TULP3: variants seen among roughly 807,000 people sequenced by gnomAD.
TULP3 encodes tubby-related protein 3.
Under a neutral mutation model 50.7 loss-of-function variants are expected in TULP3, and 38 were observed. The ratio of observed to expected loss-of-function variants is 0.75; its 90% CI spans 0.58 to 0.98. The LOEUF (loss-of-function observed/expected upper bound fraction) is 0.98, where lower values mean the gene tolerates loss of function less well. Ranked by LOEUF, TULP3 falls within the 50% of genes least tolerant of loss-of-function variation. The pLI, the probability that TULP3 is intolerant of heterozygous loss-of-function variation, is 0.00. For missense variants in TULP3, 550 were observed against 568.0 expected, an observed-to-expected ratio of 0.97 and a Z score of 0.32; for synonymous variants, 183 against 196.6, an observed-to-expected ratio of 0.93 and a Z score of 0.58.
At position 2,939,502 on chromosome 12, in the gene TULP3, C is replaced by T; in HGVS notation, c.*58C>T. ...CAGAGCTTTCAGGAGCAGACAGTGG[C>T]CTCCCCTTCCCCTCCCTGCCCCAGG... is the stretch of plus-strand genomic sequence containing the variant. On this transcript the variant is annotated 3_prime_UTR_variant, in exon 11 of 11. Coordinates refer to ENST00000448120, the MANE Select transcript of TULP3 (RefSeq NM_003324.5). The surrounding 1 kb of genome is among the most constrained non-coding windows in gnomAD (Gnocchi z 4.0). 1.3e-6 allele frequency: 2 copies of T among 1,599,402 alleles called. No homozygotes were observed.
At chr12:2,927,891 A>T (rs1428324811) in intron 4 of TULP3, among the ~76,000 whole-genome samples, 1 of 152,092 alleles carries the variant, frequency 6.6e-6, no homozygotes, top group Non-Finnish European at 1.5e-5. Flanking sequence ...ACACAAGGGA[A>T]TTTAGTTTAG....
intron 8 of TULP3, among the ~76,000 whole-genome samples, chr12:2,936,174 G>A (rs954693505): frequency 2.0e-5 from 3 of 151,916 alleles, no homozygotes; most frequent in Non-Finnish European, 4.4e-5. Context: ...GGAGGCTGAG[G>A]CAGGAGAATC....
At chr12:2,929,751 C>T (rs9988980) in intron 4 of TULP3, among the ~76,000 whole-genome samples, 70,321 of 151,620 alleles carry the variant, frequency 0.46, 16,861 homozygotes, top group African/African-American at 0.59. Context: ...CCACCACACC[C>T]GGCTAATTTT....
chr12:2,909,362 T>C (rs962708489), intron 1 of TULP3, among the ~76,000 whole-genome samples, 167 bp from the exon 2 acceptor site: 1 of 152,112 alleles, frequency 6.6e-6, no homozygotes, highest in Admixed American at 6.6e-5. Flanking sequence ...GTGTTAAGGG[T>C]GGGAAGTCCT....
chr12:2,906,485 T>C lies in TULP3; in HGVS notation c.42-3044T>C, dbSNP rs552765316. ...CTGGGATTACAGGTGCATGCCGCCA[T>C]GCCCAGCTAATTTTTTGTATTTTAG... is the stretch of plus-strand genomic sequence containing the variant. On this transcript the variant is annotated intron_variant, in intron 1 of 10. Coordinates refer to ENST00000448120, the MANE Select transcript of TULP3 (RefSeq NM_003324.5). 2.0e-5 allele frequency among the ~76,000 whole-genome samples: 3 copies of C among 151,404 alleles called. No homozygotes were observed. The South Asian group carries it at 6.3e-4, about 32-fold the overall frequency.
Position 2,940,582 on chromosome 12 carries a change from C to T in TULP3, c.*1138C>T. The stretch of plus-strand genomic sequence containing the variant: ...AGCTCTGTGAGCTCCACCGTCAGCA[C>T]CATTCAGCTGCATCCCTTGTGCACA... On this transcript the variant is annotated 3_prime_UTR_variant, in exon 11 of 11. Coordinates refer to ENST00000448120, the MANE Select transcript of TULP3 (RefSeq NM_003324.5). 3.2e-6 allele frequency: 5 copies of T among 1,551,722 alleles called. No individual in the cohort carries two copies. The highest frequency in any genetic ancestry group is 4.4e-6 in the Non-Finnish European group (5 of 1,146,980).
intron 2 of TULP3, among the ~76,000 whole-genome samples, chr12:2,914,173 G>C (rs922523392): frequency 6.8e-6 from 1 of 146,604 alleles, no homozygotes; most frequent in Non-Finnish European, 1.5e-5. Flanking sequence ...CGCCCAGGCT[G>C]GAGTACAATG....
At chr12:2,936,575 C>T (rs1393737669) in intron 8 of TULP3, among the ~76,000 whole-genome samples, 2 of 141,994 alleles carry the variant, frequency 1.4e-5, no homozygotes, top group Admixed American at 7.1e-5. Flanking sequence ...AACCCCGTCT[C>T]GACTAAAAAA....
At chr12:2,926,107 G>C (rs1357714964) in intron 4 of TULP3, among the ~76,000 whole-genome samples, 2 of 152,208 alleles carry the variant, frequency 1.3e-5, no homozygotes, top group Non-Finnish European at 2.9e-5. Flanking sequence ...CACGGGAACT[G>C]AGTTCTTGGT....
Position 2,920,516 on chromosome 12 carries a change from GA to G in TULP3, c.94-237del, listed in dbSNP as rs992653397. Among the ~76,000 whole-genome samples, 84 of 146,492 alleles carry G rather than the reference GA, an allele frequency of 5.7e-4. 1 individual carries two copies. In the South Asian group the frequency reaches 0.014, roughly 24 times the overall value. On this transcript the variant is annotated intron_variant, in intron 2 of 10. Transcript: ENST00000448120. ...GAGTGAGACTCTGTCTCAAAAAAAA[GA>G]AAAAAAAAAGCATCATCTGATTTTA...
At chr12:2,910,641 A>G (rs1399954418) in intron 2 of TULP3, among the ~76,000 whole-genome samples, 1 of 152,208 alleles carries the variant, frequency 6.6e-6, no homozygotes, top group East Asian at 1.9e-4. Flanking sequence ...TCTGGATTCA[A>G]TAGGTGACTA....
At chr12:2,901,312 CTTTT>C (rs371069831) in intron 1 of TULP3, among the ~76,000 whole-genome samples, 2 of 104,140 alleles carry the variant, frequency 1.9e-5, no homozygotes, top group African/African-American at 7.9e-5. Flanking sequence ...TTCTTTCTTT[CTTTT>C]TTTTTTTTTT....
Position 2,940,902 on chromosome 12 carries a change from T to C in TULP3, c.*1458T>C, listed in dbSNP as rs1249798147. On this transcript the variant is annotated 3_prime_UTR_variant, in exon 11 of 11. Coordinates refer to ENST00000448120, the MANE Select transcript of TULP3 (RefSeq NM_003324.5). The stretch of plus-strand genomic sequence containing the variant: ...ACCACCACCACCCCCCACCCCATCC[T>C]GAGGCACTGCCTGGCAGATAACCCT... 4.9e-6 allele frequency: 3 copies of C among 607,296 alleles called. No homozygotes were observed. Among genetic ancestry groups the C allele is most frequent in the Non-Finnish European group, 8.5e-6 (3 of 351,698 alleles). The allele number at this position is 607,296 out of a possible 1,614,324, so 37.6% of individuals were successfully genotyped here.
At chr12:2,926,171 G>T (rs962604654) in intron 4 of TULP3, among the ~76,000 whole-genome samples, 13 of 152,180 alleles carry the variant, frequency 8.5e-5, no homozygotes, top group Non-Finnish European at 1.3e-4. Flanking sequence ...ATACGATAGT[G>T]ATATCTCAGG....
chr12:2,893,439 G>A (rs2098173497), intron 1 of TULP3, among the ~76,000 whole-genome samples: 1 of 149,796 alleles, frequency 6.7e-6, no homozygotes, highest in South Asian at 2.2e-4. Context: ...TCCAGCCTCA[G>A]CCTCCTGAGT....
chr12:2,940,579 G>C lies in TULP3; in HGVS notation c.*1135G>C. On this transcript the variant is annotated 3_prime_UTR_variant, in exon 11 of 11. Coordinates refer to ENST00000448120, the MANE Select transcript of TULP3 (RefSeq NM_003324.5). ...AGGAGCTCTGTGAGCTCCACCGTCAGCACCATTCAGCTGCATCCCTTGTGC... is the reference window on the plus strand; with the variant it reads ...AGGAGCTCTGTGAGCTCCACCGTCACCACCATTCAGCTGCATCCCTTGTGC... The C allele has an allele frequency of 6.4e-7, 1 of 1,551,690 alleles. No individual in the cohort carries two copies. The highest frequency in any genetic ancestry group is 8.7e-7 in the Non-Finnish European group (1 of 1,146,984).
intron 1 of TULP3, 100 bp downstream of exon 1, chr12:2,891,088 C>A: frequency 7.4e-7 from 1 of 1,353,998 alleles, no homozygotes; most frequent in Non-Finnish European, 9.7e-7. Context: ...GAGGGCGGGA[C>A]TCGGGACTTG....
At position 2,940,332 on chromosome 12, in the gene TULP3, A is replaced by G. The variant is rs977515092; in HGVS notation, c.*888A>G. On this transcript the variant is annotated 3_prime_UTR_variant, in exon 11 of 11. Transcript: ENST00000448120. ...CCATTTAGTTTAGTTAAAAAAAAAAAAAAAAAGGTGGCAGGAGAGGCTTTG... is the reference window on the plus strand; with the variant it reads ...CCATTTAGTTTAGTTAAAAAAAAAAGAAAAAAGGTGGCAGGAGAGGCTTTG... 6.8e-7 allele frequency: 1 copy of G among 1,465,324 alleles called. No individual in the cohort carries two copies. The highest frequency in any genetic ancestry group is 1.4e-5 in the African/African-American group (1 of 70,044). 90.8% of individuals were successfully genotyped at this position (1,465,324 alleles called of 1,614,324 possible).
chr12:2,920,017 CAAAAGTAAG>C (rs1268986940), intron 2 of TULP3, among the ~76,000 whole-genome samples: 1 of 146,900 alleles, frequency 6.8e-6, no homozygotes, highest in African/African-American at 2.5e-5. Context: ...CTTCCATTTA[CAAAAGTAAG>C]AAAACTTAAA....
Sources: gnomAD v4.1 joint callset for allele counts (sites outside exome capture counted in the v4.1 genomes callset) on GRCh38, gnomAD v4.1.1 for gene constraint, Gnocchi (gnomAD v3.1) non-coding constraint, MANE v1.5 for transcripts, NCBI Gene and HGNC (gene_info 2026-07-23, HGNC 2026-07-21) for gene names.